The following PPIE variants were observed in gnomAD, a reference collection of about 807,000 sequenced individuals.
The protein encoded by PPIE is peptidylprolyl isomerase E, also known as peptidyl-prolyl cis-trans isomerase E.
PPIE carries 20 observed loss-of-function variants against 38.4 expected under a neutral mutation model. That is an observed-to-expected ratio of 0.52 (90% CI 0.37 to 0.76). The LOEUF (loss-of-function observed/expected upper bound fraction) is 0.76. Among genes scored for constraint, PPIE ranks in the 30% least tolerant of loss-of-function variants. The probability of loss-of-function intolerance (pLI) is 0.00; values close to 1 mark genes in which losing one functional copy is unlikely to be tolerated. For missense variants in PPIE, 322 were observed against 385.8 expected (o/e 0.83, Z 1.39); for synonymous variants, 142 against 135.7 (o/e 1.05, Z -0.32).
intron 6 of PPIE, 74 bp from the exon 7 acceptor site, chr1:39,745,301 G>T: frequency 6.3e-7 from 1 of 1,587,144 alleles, no homozygotes; most frequent in South Asian, 1.1e-5. Flanking sequence ...TTCTGGGTGG[G>T]TGTGTAGAAT....
At chr1:39,743,799 C>A in intron 5 of PPIE, 25 bp from the exon 6 acceptor site, 1 of 1,583,820 alleles carries the variant, frequency 6.3e-7, no homozygotes, top group Non-Finnish European at 8.7e-7. Context: ...CTTGAATGAA[C>A]ATTTGTTTGA....
At chr1:39,760,295 T>C, downstream of PPIE, 1 of 1,436,074 alleles carries the variant, frequency 7.0e-7, no homozygotes, top group Non-Finnish European at 9.4e-7. Context: ...GTCATGTACG[T>C]GGTTGTGAGG....
intron 6 of PPIE, among the ~76,000 whole-genome samples, 163 bp downstream of exon 6, chr1:39,744,087 T>C (rs1647132639): frequency 6.6e-6 from 1 of 152,206 alleles, no homozygotes; most frequent in South Asian, 2.1e-4. Flanking sequence ...TTCTTAGTAC[T>C]TTGGTAAAGT....
At chr1:39,760,067 A>T (rs141541760), downstream of PPIE, 1 of 290,860 alleles carries the variant, frequency 3.4e-6, no homozygotes, top group Non-Finnish European at 6.6e-6. Flanking sequence ...TTCCACATCT[A>T]TCTCACGACC....
intron 9 of PPIE, chr1:39,762,783 G>A (rs1649176543): frequency 7.6e-7 from 1 of 1,314,022 alleles, no homozygotes; most frequent in Non-Finnish European, 1.0e-6. Context: ...TGTTTCATGT[G>A]CTGTGCCTCT....
At chr1:39,750,015 C>A (rs1488925380) in intron 8 of PPIE, among the ~76,000 whole-genome samples, 1 of 152,092 alleles carries the variant, frequency 6.6e-6, no homozygotes, top group Non-Finnish European at 1.5e-5. Flanking sequence ...TGCCTGTAAT[C>A]CTAGCTGCTC....
rs74751471 is a variant in PPIE, at chr1:39,748,896, A to T, written c.509-7A>T. 1 of 1,611,236 alleles carries T rather than the reference A, an allele frequency of 6.2e-7. No homozygotes were observed. Among genetic ancestry groups the T allele is most frequent in the Non-Finnish European group, 8.5e-7 (1 of 1,179,274 alleles). ...AACCCCAGCGCTTTTTCCTTTCTCA[A>T]TTCCAGAGAATTTCCGCTGCCTGTG... On this transcript the variant is annotated splice_region_variant and splice_polypyrimidine_tract_variant and intron_variant, in intron 7 of 9. Transcript: ENST00000324379.
chr1:39,750,190 C>T (rs567085473), intron 8 of PPIE, among the ~76,000 whole-genome samples: 127 of 152,192 alleles, frequency 8.3e-4, no homozygotes, highest in African/African-American at 2.7e-3. Flanking sequence ...AGCTATCACC[C>T]ATGCCCCTGG....
At chr1:39,760,195 G>T (rs1251743969), downstream of PPIE, 1 of 753,448 alleles carries the variant, frequency 1.3e-6, no homozygotes, top group Non-Finnish European at 2.1e-6. Flanking sequence ...ACTGCCTGAT[G>T]ATTGAGACCA....
At position 39,749,020 on chromosome 1, in the gene PPIE, C is replaced by T. The variant is rs761484384; in HGVS notation, c.626C>T (p.Thr209Ile). Residue 209 changes from threonine to isoleucine, a missense_variant, in exon 8 of 10, where the codon ACT becomes ATT. Physicochemically the swap from Thr to Ile is moderately conservative, Grantham distance 89 (BLOSUM62 -1). Coordinates refer to ENST00000324379, the MANE Select transcript of PPIE (RefSeq NM_006112.4). ...GGTGATTTCACAAACCACAATGGCA[C>T]TGGGGGCAAGTCCATCTATGGGAAG... ...QGGDFTNHNG[T>I]GGKSIYGKKF... The T allele has an allele frequency of 7.2e-5, 116 of 1,612,214 alleles. 3 individuals carry two copies. The South Asian group carries it at 1.3e-3, about 17-fold the overall frequency.
At chr1:39,744,561 AG>A (rs1278027402) in intron 6 of PPIE, among the ~76,000 whole-genome samples, 1 of 152,184 alleles carries the variant, frequency 6.6e-6, no homozygotes, top group South Asian at 2.1e-4. Context: ...AGTTTTATGC[AG>A]CCTCTGTTAT....
chr1:39,740,414 A>G, intron 2 of PPIE, 151 bp downstream of exon 2: 1 of 618,226 alleles, frequency 1.6e-6, no homozygotes, highest in Non-Finnish European at 2.8e-6. Flanking sequence ...AGTGATCTCG[A>G]TGGAGAAGGA....
At chr1:39,741,687 T>G in intron 3 of PPIE, 1 of 634,632 alleles carries the variant, frequency 1.6e-6, no homozygotes, top group Non-Finnish European at 2.7e-6. Context: ...GTAGTGATTA[T>G]TTCTTGTGCC....
Position 39,756,223 on chromosome 1 carries a change from C to A in PPIE, c.*2868C>A, listed in dbSNP as rs1467765871. The A allele has an allele frequency of 1.0e-6, 1 of 985,362 alleles. No individual in the cohort carries two copies. Among genetic ancestry groups the A allele is most frequent in the Non-Finnish European group, 1.2e-6 (1 of 829,938 alleles). The allele number at this position is 985,362 out of a possible 1,614,324, so 61.0% of individuals were successfully genotyped here. A position where few individuals can be genotyped will look rare whatever the true frequency, so the allele number is the denominator to read the frequency against. ...TGGAGCCAGTGGCTCTGTGGGCGTC[C>A]TTTCCTGCAGCCTGGAGAGCAAAGC... On this transcript the variant is annotated 3_prime_UTR_variant, in exon 10 of 10. Transcript: ENST00000324379.
intron 7 of PPIE, chr1:39,748,624 A>G (rs1647367135): frequency 5.9e-5 from 23 of 390,516 alleles, no homozygotes; most frequent in South Asian, 5.2e-4. Flanking sequence ...AGTCCCAGCT[A>G]CTCAAGAGGC....
At chr1:39,762,763 T>C in intron 9 of PPIE, 1 of 1,347,924 alleles carries the variant, frequency 7.4e-7, no homozygotes, top group Non-Finnish European at 9.9e-7. Context: ...CCCCACACAG[T>C]GTACACATCT....
intron 4 of PPIE, 42 bp downstream of exon 4, chr1:39,741,963 G>A (rs755492406): frequency 6.2e-7 from 1 of 1,607,912 alleles, no homozygotes; most frequent in Non-Finnish European, 8.5e-7. Flanking sequence ...TTGCTTTTTG[G>A]TGGTACAGAG....
chr1:39,760,709 T>G, downstream of PPIE: 1 of 1,182,302 alleles, frequency 8.5e-7, no homozygotes, highest in Non-Finnish European at 1.2e-6. Context: ...TAATAACTAT[T>G]AACAGGAATA....
At chr1:39,749,559 A>C (rs1369697831) in intron 8 of PPIE, among the ~76,000 whole-genome samples, 3 of 152,166 alleles carry the variant, frequency 2.0e-5, no homozygotes, top group Non-Finnish European at 4.4e-5. Context: ...TGATGTGTCC[A>C]TGCCCGTCTT....
Sources: gnomAD v4.1 joint callset for allele counts (sites outside exome capture counted in the v4.1 genomes callset) on GRCh38, gnomAD v4.1.1 for gene constraint, MANE v1.5 for transcripts, NCBI Gene and HGNC (gene_info 2026-07-23, HGNC 2026-07-21) for gene names.